Variants in ADAMTS19 observed in about 807,000 individuals in gnomAD.
ADAMTS19 encodes A disintegrin and metalloproteinase with thrombospondin motifs 19.
A neutral mutation model predicts 153.3 loss-of-function variants in ADAMTS19; 93 were observed. The observed-to-expected ratio is 0.61, with a 90% CI of 0.51 to 0.72. The LOEUF (loss-of-function observed/expected upper bound fraction) is 0.72. Ranked by LOEUF, ADAMTS19 falls within the 30% of genes least tolerant of loss-of-function variation. The pLI, the probability that ADAMTS19 is intolerant of heterozygous loss-of-function variation, is 0.00. For synonymous variants in ADAMTS19, 600 were observed against 556.6 expected (o/e 1.08, Z -1.10); for missense variants, 1,482 against 1,552.1 (o/e 0.95, Z 0.76).
chr5:129,626,832 G>A (rs1350292701), intron 10 of ADAMTS19, among the ~76,000 whole-genome samples: 1 of 152,066 alleles, frequency 6.6e-6, no homozygotes, highest in Non-Finnish European at 1.5e-5. Context: ...GTTAGTTGAT[G>A]ATAATTGTTT....
At chr5:129,683,173 A>T (rs1488113802) in intron 17 of ADAMTS19, among the ~76,000 whole-genome samples, 1 of 148,396 alleles carries the variant, frequency 6.7e-6, no homozygotes. Context: ...ATTTTCTAAA[A>T]ATAGATGTAT....
intron 2 of ADAMTS19, among the ~76,000 whole-genome samples, chr5:129,501,075 A>G (rs1362207757): frequency 1.3e-5 from 2 of 152,188 alleles, no homozygotes; most frequent in Non-Finnish European, 2.9e-5. Context: ...ATATACATAC[A>G]TTCATATGTA....
intron 15 of ADAMTS19, 81 bp from the exon 16 acceptor site, chr5:129,665,418 G>A (rs1754001508): frequency 8.1e-7 from 1 of 1,239,784 alleles, no homozygotes; most frequent in African/African-American, 1.5e-5. Flanking sequence ...AAAACCAAAA[G>A]GAAAACAAAA....
chr5:129,713,873 T>C (rs2127185540), intron 21 of ADAMTS19, among the ~76,000 whole-genome samples: 1 of 152,148 alleles, frequency 6.6e-6, no homozygotes, highest in South Asian at 2.1e-4. Flanking sequence ...CACTCCAGCA[T>C]CTACACAACC....
chr5:129,704,737 T>A lies in ADAMTS19; in HGVS notation c.3312+346T>A, dbSNP rs192830978. Among the ~76,000 whole-genome samples, 521 of 152,250 alleles carry A rather than the reference T, an allele frequency of 3.4e-3. 5 individuals are homozygous for A. Among genetic ancestry groups the A allele is most frequent in the African/African-American group, 0.012 (503 of 41,550 alleles). ...ATAGAATACTGTCAGACAAGTCAAT[T>A]CAAAATATAATTAAGTAAGGTAGCA... On this transcript the variant is annotated intron_variant, in intron 21 of 22. Coordinates refer to ENST00000274487, the MANE Select transcript of ADAMTS19 (RefSeq NM_133638.6).
At chr5:129,609,876 C>T (rs1035288943) in intron 8 of ADAMTS19, among the ~76,000 whole-genome samples, 1 of 152,072 alleles carries the variant, frequency 6.6e-6, no homozygotes, top group Admixed American at 6.6e-5. Flanking sequence ...TGGAGTAGAT[C>T]ATCTATTAAC....
intron 7 of ADAMTS19, among the ~76,000 whole-genome samples, chr5:129,578,919 T>C (rs1300610591): frequency 6.6e-6 from 1 of 152,190 alleles, no homozygotes; most frequent in Non-Finnish European, 1.5e-5. Context: ...CATGTGTCTT[T>C]ATAGTAGAAT....
chr5:129,627,542 A>C (rs1191624627), intron 10 of ADAMTS19, among the ~76,000 whole-genome samples: 1 of 151,684 alleles, frequency 6.6e-6, no homozygotes, highest in Non-Finnish European at 1.5e-5. Flanking sequence ...TGCACAGCAA[A>C]AGAAACCATC....
rs1749606993 is a variant in ADAMTS19 at position 129,460,425 on chromosome 5, A to G, written c.34A>G (p.Ile12Val). Reference protein sequence around the residue: ...GKNREMRLTHICCCCLLYQLG... With the variant: ...GKNREMRLTHVCCCCLLYQLG... ...GAACCGCGAGATGCGCCTGACTCAC[A>G]TCTGCTGCTGCTGCCTCCTTTACCA... The change falls in exon 1 of 23, where the codon ATC (isoleucine) becomes GTC (valine). Residue 12 changes from isoleucine to valine, a missense_variant. Physicochemically the swap from Ile to Val is conservative, Grantham distance 29. Transcript: ENST00000274487. 1 of 1,614,064 alleles carries G rather than the reference A, an allele frequency of 6.2e-7. No individual in the cohort carries two copies. Among genetic ancestry groups the G allele is most frequent in the Non-Finnish European group, 8.5e-7 (1 of 1,179,972 alleles).
Position 129,639,227 on chromosome 5 carries a change from C to T in ADAMTS19, c.1771-2632C>T, listed in dbSNP as rs370678368. ...CAGTGTTTGTCTCTAATATAATACC[C>T]GTAATGCCCCATTCTGCCCTTTAGA... On this transcript the variant is annotated intron_variant, in intron 10 of 22. Coordinates refer to ENST00000274487, the MANE Select transcript of ADAMTS19 (RefSeq NM_133638.6). 1.1e-3 allele frequency among the ~76,000 whole-genome samples: 169 copies of T among 152,196 alleles called. 3 individuals carry two copies. In the South Asian group the frequency reaches 0.022, roughly 19 times the overall value.
chr5:129,628,305 C>T (rs1255781070), intron 10 of ADAMTS19, among the ~76,000 whole-genome samples: 1 of 151,642 alleles, frequency 6.6e-6, no homozygotes, highest in Admixed American at 6.6e-5. Flanking sequence ...CTACTGAAGG[C>T]TGGAGGGTGG....
intron 8 of ADAMTS19, among the ~76,000 whole-genome samples, chr5:129,612,406 A>C (rs553321103): frequency 6.6e-6 from 1 of 152,046 alleles, no homozygotes; most frequent in African/African-American, 2.4e-5. Flanking sequence ...AAAGAAAAGA[A>C]TTTTCAACCC....
intron 7 of ADAMTS19, among the ~76,000 whole-genome samples, chr5:129,576,419 G>T (rs1754102513): frequency 6.6e-6 from 1 of 151,878 alleles, no homozygotes; most frequent in African/African-American, 2.4e-5. Context: ...TCCATACACG[G>T]AGCAGGGCAA....
intron 7 of ADAMTS19, among the ~76,000 whole-genome samples, chr5:129,557,219 T>G (rs1327684936): frequency 6.6e-6 from 1 of 152,208 alleles, no homozygotes; most frequent in East Asian, 1.9e-4. Context: ...TGATTAATTA[T>G]AGTTAACTAT....
chr5:129,503,270 AAG>A (rs1751161001), intron 2 of ADAMTS19, among the ~76,000 whole-genome samples: 3 of 152,130 alleles, frequency 2.0e-5, no homozygotes, highest in Admixed American at 2.0e-4. Flanking sequence ...GATCATCAGG[AAG>A]AGTGTTTTAA....
chr5:129,488,323 A>T (rs1164138693), intron 2 of ADAMTS19, among the ~76,000 whole-genome samples: 6 of 152,078 alleles, frequency 3.9e-5, no homozygotes, highest in Admixed American at 2.6e-4. Flanking sequence ...GATAGGAAAG[A>T]GTCACTTTAA....
At chr5:129,552,671 A>T (rs1377994262) in intron 7 of ADAMTS19, among the ~76,000 whole-genome samples, 2 of 151,864 alleles carry the variant, frequency 1.3e-5, no homozygotes, top group Non-Finnish European at 2.9e-5. Flanking sequence ...TTTTAACTTG[A>T]CCATTTTGTT....
chr5:129,494,197 T>A (rs1174938691), intron 2 of ADAMTS19, among the ~76,000 whole-genome samples: 3 of 152,148 alleles, frequency 2.0e-5, no homozygotes, highest in Non-Finnish European at 4.4e-5. Flanking sequence ...CAGAGAAATA[T>A]CTATATTTCA....
At chr5:129,537,426 G>A (rs1190279172) in intron 6 of ADAMTS19, among the ~76,000 whole-genome samples, 3 of 152,110 alleles carry the variant, frequency 2.0e-5, no homozygotes. Context: ...CCATTACTGG[G>A]TATATACCCA....
Sources: allele counts gnomAD v4.1 joint callset (sites outside exome capture counted in the v4.1 genomes callset), GRCh38; gene constraint gnomAD v4.1.1; transcripts MANE v1.5; gene names NCBI Gene and HGNC (gene_info 2026-07-23, HGNC 2026-07-21).